The following PREPL variants were observed in gnomAD, a reference collection of about 807,000 sequenced individuals.
PREPL encodes the protein prolyl endopeptidase-like.
In PREPL, 77 loss-of-function variants were observed where a neutral mutation model predicts 70.6. That is an observed-to-expected ratio of 1.09 (90% CI 0.91 to 1.32). The LOEUF (loss-of-function observed/expected upper bound fraction) is 1.32, where lower values mean the gene tolerates loss of function less well. Ranked by LOEUF, PREPL falls within the 40% of genes most tolerant of loss-of-function variation. The pLI is 0.00. For missense variants in PREPL, 1,002 were observed against 778.2 expected (o/e 1.29, Z -3.42); for synonymous variants, 315 against 264.8 (o/e 1.19, Z -1.84).
chr2:44,317,885 C>A lies in PREPL; in HGVS notation c.*3471G>T. 1.9e-5 allele frequency: 4 copies of A among 214,164 alleles called. No homozygotes were observed. Among genetic ancestry groups the A allele is most frequent in the South Asian group, 5.1e-5 (1 of 19,480 alleles). 13.3% of individuals were successfully genotyped at this position (214,164 alleles called of 1,614,324 possible). On this transcript the variant is annotated 3_prime_UTR_variant, in exon 14 of 14. Transcript: ENST00000409411. The stretch of plus-strand genomic sequence containing the variant: ...AAATTAGCCTATTAAAAGATAAAAC[C>A]ACTCAGATAACAAAAACAGACATAA...
chr2:44,324,073 A>G (rs1192181698), intron 10 of PREPL, among the ~76,000 whole-genome samples: 1 of 152,266 alleles, frequency 6.6e-6, no homozygotes, highest in Non-Finnish European at 1.5e-5. Context: ...TACACATGCA[A>G]TATTACATGG....
Position 44,327,100 on chromosome 2 carries a change from G to C in PREPL, c.1263-172C>G, listed in dbSNP as rs529752002. Among the ~76,000 whole-genome samples the C allele has an allele frequency of 3.0e-3, 463 of 152,246 alleles. 2 individuals carry two copies. The highest frequency in any genetic ancestry group is 0.011 in the African/African-American group (449 of 41,530). ...GGAATGTGCAACAGAAACTGTACGC[G>C]GCCTGCAAAGCTTAAAATGTGACTA... On this transcript the variant is annotated intron_variant, in intron 9 of 13. Coordinates refer to ENST00000409411, the MANE Select transcript of PREPL (RefSeq NM_001171613.2).
At chr2:44,352,450 C>A (rs1223271586) in intron 1 of PREPL, among the ~76,000 whole-genome samples, 4 of 152,076 alleles carry the variant, frequency 2.6e-5, no homozygotes, top group Non-Finnish European at 2.9e-5. Flanking sequence ...TTTGTAGAGA[C>A]AGGGTTTTGC....
At chr2:44,330,708 A>G (rs1214657702) in intron 8 of PREPL, among the ~76,000 whole-genome samples, 1 of 152,208 alleles carries the variant, frequency 6.6e-6, no homozygotes, top group Non-Finnish European at 1.5e-5. Flanking sequence ...TCATTGTGTC[A>G]GCACATGTGA....
Position 44,318,089 on chromosome 2 carries a change from A to C in PREPL, c.*3267T>G, listed in dbSNP as rs1380956293. On this transcript the variant is annotated 3_prime_UTR_variant, in exon 14 of 14. Coordinates refer to ENST00000409411, the MANE Select transcript of PREPL (RefSeq NM_001171613.2). ...TGCACAATAATACTTAAAGGATCTC[A>C]ACACTGTTTTTTTTTTTTTTTGAGA... 1 of 409,760 alleles carries C rather than the reference A, an allele frequency of 2.4e-6. No homozygotes were observed. Among genetic ancestry groups the C allele is most frequent in the African/African-American group, 3.1e-5 (1 of 32,418 alleles). 25.4% of individuals were successfully genotyped at this position (409,760 alleles called of 1,614,324 possible).
At chr2:44,322,495 T>A (rs1236069194) in intron 12 of PREPL, among the ~76,000 whole-genome samples, 3 of 152,242 alleles carry the variant, frequency 2.0e-5, no homozygotes, top group East Asian at 1.9e-4. Context: ...ATTTCCTGTT[T>A]CCTTTGTGTC....
At chr2:44,349,169 C>G (rs1237189496) in intron 1 of PREPL, among the ~76,000 whole-genome samples, 2 of 152,242 alleles carry the variant, frequency 1.3e-5, no homozygotes, top group South Asian at 2.1e-4. Context: ...TTTATCATGG[C>G]AAAGATGCTG....
chr2:44,357,889 T>C (rs1438986305), intron 1 of PREPL, among the ~76,000 whole-genome samples: 1 of 152,084 alleles, frequency 6.6e-6, no homozygotes, highest in African/African-American at 2.4e-5. Flanking sequence ...AAAGAAGTTA[T>C]AAAGAATTTC....
chr2:44,351,262 G>C (rs1380334830), intron 1 of PREPL, among the ~76,000 whole-genome samples: 2 of 151,984 alleles, frequency 1.3e-5, no homozygotes, highest in East Asian at 3.9e-4. Context: ...CACTGGCAGA[G>C]CTCAATTCCT....
At chr2:44,336,205 T>C (rs966534296) in intron 7 of PREPL, among the ~76,000 whole-genome samples, 1 of 152,160 alleles carries the variant, frequency 6.6e-6, no homozygotes, top group African/African-American at 2.4e-5. Context: ...ATTGGATATA[T>C]AACCAAAGGA....
In PREPL at chr2:44,326,658, C is replaced by A. The variant is rs1673529530; in HGVS notation, c.1479+54G>T. On this transcript the variant is annotated intron_variant, in intron 10 of 13. Transcript: ENST00000409411. ...CCAAAAACATTTTTCTTAGAGTAGC[C>A]TATGGCTTCACACCTCCCCCATTCT... 5 of 1,553,904 alleles carry A rather than the reference C, an allele frequency of 3.2e-6. No individual in the cohort carries two copies. The Admixed American group carries it at 8.4e-5, about 26-fold the overall frequency.
At position 44,338,414 on chromosome 2, in the gene PREPL, C is replaced by T. The variant is rs1301345746; in HGVS notation, c.825G>A (p.Lys275=). The T allele has an allele frequency of 1.2e-6, 2 of 1,613,598 alleles. No individual in the cohort carries two copies. Among genetic ancestry groups the T allele is most frequent in the Admixed American group, 3.3e-5 (2 of 59,936 alleles). The change falls in exon 7 of 14, where the codon AAG becomes AAA. Residue 275 remains lysine, a synonymous_variant. Transcript: ENST00000409411. Reference sequence around the variant, plus strand: ...CATTAACATAAAGGAGATTGCTGTGCTTCAGAAATAGAACACAGTGATCCT... The same window carrying T: ...CATTAACATAAAGGAGATTGCTGTGTTTCAGAAATAGAACACAGTGATCCT... ...MFKDHCVLFL[K]HSNLLYVNVI...
chr2:44,351,333 A>G (rs1466531204), intron 1 of PREPL, among the ~76,000 whole-genome samples: 1 of 152,050 alleles, frequency 6.6e-6, no homozygotes, highest in African/African-American at 2.4e-5. Context: ...TCATCCAGTC[A>G]TGACCTTAAA....
chr2:44,341,714 T>A (rs892282317), intron 5 of PREPL, among the ~76,000 whole-genome samples: 1 of 151,728 alleles, frequency 6.6e-6, no homozygotes, highest in Non-Finnish European at 1.5e-5. Flanking sequence ...AAAATAATAA[T>A]GCTTATTACA....
intron 13 of PREPL, 61 bp downstream of exon 13, chr2:44,321,766 T>C (rs760819868): frequency 3.1e-6 from 5 of 1,613,260 alleles, no homozygotes; most frequent in East Asian, 2.2e-5. Flanking sequence ...CCACTGAAAA[T>C]GTGAAAACAA....
chr2:44,320,352 A>G lies in PREPL; in HGVS notation c.*1004T>C. ...CACAAGAGAGCTGGATGGCATCGAC[A>G]GAATCTTTATCGTGGTTCTGAATTT... On this transcript the variant is annotated 3_prime_UTR_variant, in exon 14 of 14. Coordinates refer to ENST00000409411, the MANE Select transcript of PREPL (RefSeq NM_001171613.2). 1 of 1,614,172 alleles carries G rather than the reference A, an allele frequency of 6.2e-7. No individual in the cohort carries two copies. The highest frequency in any genetic ancestry group is 8.5e-7 in the Non-Finnish European group (1 of 1,179,992).
At chr2:44,323,700 T>C (rs1187086876) in intron 10 of PREPL, among the ~76,000 whole-genome samples, 11 of 152,208 alleles carry the variant, frequency 7.2e-5, no homozygotes, top group Admixed American at 5.2e-4. Context: ...TTTTTTCTTA[T>C]ATAAAAGCAA....
At chr2:44,360,366 G>C (rs900200922) in intron 1 of PREPL, 1 of 152,222 alleles carries the variant, frequency 6.6e-6, no homozygotes, top group Admixed American at 6.5e-5. Flanking sequence ...GTGGCTGTGG[G>C]AGGTTCTAAG....
At chr2:44,344,372 C>T (rs1675551967) in intron 3 of PREPL, 148 bp downstream of exon 3, 2 of 647,128 alleles carry the variant, frequency 3.1e-6, no homozygotes, top group African/African-American at 1.9e-5. Flanking sequence ...CTTACACAAA[C>T]CCAGATATTA....
Sources: gnomAD v4.1 joint callset for allele counts (sites outside exome capture counted in the v4.1 genomes callset) on GRCh38, gnomAD v4.1.1 for gene constraint, MANE v1.5 for transcripts, NCBI Gene and HGNC (gene_info 2026-07-23, HGNC 2026-07-21) for gene names.